PSTPIP2: variants seen among roughly 807,000 people sequenced by gnomAD.
The protein encoded by PSTPIP2 is proline-serine-threonine phosphatase-interacting protein 2.
PSTPIP2 carries 33 observed loss-of-function variants against 63.3 expected under a neutral mutation model. That is an observed-to-expected ratio of 0.52 (90% CI 0.40 to 0.70). The LOEUF is 0.70. Ranked by LOEUF, PSTPIP2 falls within the 30% of genes least tolerant of loss-of-function variation. The pLI is 0.00. For missense variants in PSTPIP2, 312 were observed against 400.7 expected (o/e 0.78, Z 1.89); for synonymous variants, 125 against 132.7 (o/e 0.94, Z 0.40).
At chr18:45,986,207 T>C (rs1279617011) in intron 14 of PSTPIP2, among the ~76,000 whole-genome samples, 3 of 152,256 alleles carry the variant, frequency 2.0e-5, no homozygotes, top group Non-Finnish European at 4.4e-5. Flanking sequence ...TGTTGTATAC[T>C]GAATATGAAT....
intron 5 of PSTPIP2, among the ~76,000 whole-genome samples, chr18:46,009,036 T>C (rs1287635834): frequency 6.6e-6 from 1 of 152,098 alleles, no homozygotes; most frequent in Non-Finnish European, 1.5e-5. Flanking sequence ...CCCCATCATG[T>C]AAGGCACATC....
rs145785770 is a variant in PSTPIP2 at position 46,029,011 on chromosome 18, G to C, written c.135-4325C>G. On this transcript the variant is annotated intron_variant, in intron 2 of 14. Transcript: ENST00000409746. ...TCCTTGTGCACAGATTGTGATGGTCGCTGGATTAGATAACCTATATCACTA... is the reference window on the plus strand; with the variant it reads ...TCCTTGTGCACAGATTGTGATGGTCCCTGGATTAGATAACCTATATCACTA... 3.1e-3 allele frequency: 2,589 copies of C among 838,028 alleles called. 79 individuals carry two copies. The Admixed American group carries it at 0.043, about 14-fold the overall frequency. 51.9% of individuals were successfully genotyped at this position (838,028 alleles called of 1,614,324 possible).
chr18:46,065,577 C>T (rs1291790203), intron 1 of PSTPIP2, among the ~76,000 whole-genome samples: 1 of 152,162 alleles, frequency 6.6e-6, no homozygotes, highest in Non-Finnish European at 1.5e-5. Context: ...AGTGATTCTC[C>T]TGCCTCAGCC....
chr18:46,003,651 C>A (rs57860400), intron 6 of PSTPIP2, among the ~76,000 whole-genome samples: 43 of 151,634 alleles, frequency 2.8e-4, no homozygotes, highest in African/African-American at 9.9e-4. Flanking sequence ...GGCACTCAGT[C>A]TGTGATAAAT....
chr18:46,024,528 TG>T, intron 3 of PSTPIP2, 80 bp downstream of exon 3: 1 of 1,246,854 alleles, frequency 8.0e-7, no homozygotes, highest in Non-Finnish European at 1.2e-6. Flanking sequence ...TTCAACCTCC[TG>T]GTAACTCTGT....
At chr18:45,988,526 C>T (rs911746216) in intron 14 of PSTPIP2, among the ~76,000 whole-genome samples, 176 bp downstream of exon 14, 2 of 151,840 alleles carry the variant, frequency 1.3e-5, no homozygotes, top group African/African-American at 4.9e-5. Flanking sequence ...CTCCAGTCTG[C>T]TTCCAGCTGT....
Position 46,072,199 on chromosome 18 carries a change from G to A in PSTPIP2, c.-11C>T. 6.5e-7 allele frequency: 1 copy of A among 1,535,248 alleles called. No individual in the cohort carries two copies. The highest frequency in any genetic ancestry group is 8.8e-7 in the Non-Finnish European group (1 of 1,140,964). On this transcript the variant is annotated 5_prime_UTR_variant, in exon 1 of 15. Transcript: ENST00000409746. ...CAGTGAGCGCGTCATCGCAGCGCGA[G>A]TGGGGGCGCGGAGGAGAGCCGGGCC...
Position 46,022,820 on chromosome 18 carries a change from G to A in PSTPIP2, c.212+1789C>T, listed in dbSNP as rs1412055284. The stretch of plus-strand genomic sequence containing the variant: ...ATTATGGTACAGAAATCTCACATGG[G>A]TTGTGACAATTATGAAATGATGCAA... On this transcript the variant is annotated intron_variant, in intron 3 of 14. Transcript: ENST00000409746. Among the ~76,000 whole-genome samples, 4 of 152,168 alleles carry A rather than the reference G, an allele frequency of 2.6e-5. No individual in the cohort carries two copies. In the East Asian group the frequency reaches 7.7e-4, roughly 29 times the overall value.
chr18:46,041,616 C>T (rs1186922449), intron 1 of PSTPIP2, among the ~76,000 whole-genome samples: 3 of 152,094 alleles, frequency 2.0e-5, no homozygotes, highest in African/African-American at 7.2e-5. Context: ...GCTAAGTCCC[C>T]CAAACCAGTA....
chr18:46,003,017 G>A (rs2051684312), intron 6 of PSTPIP2, among the ~76,000 whole-genome samples: 1 of 152,160 alleles, frequency 6.6e-6, no homozygotes, highest in Non-Finnish European at 1.5e-5. Context: ...TAAGGCTTCT[G>A]TTTTAGCTAG....
At chr18:46,023,602 T>C (rs1907457893) in intron 3 of PSTPIP2, among the ~76,000 whole-genome samples, 1 of 152,060 alleles carries the variant, frequency 6.6e-6, no homozygotes, top group South Asian at 2.1e-4. Flanking sequence ...TCTCCTATAG[T>C]TATCACAAAC....
intron 10 of PSTPIP2, among the ~76,000 whole-genome samples, chr18:45,992,726 TA>T (rs2051550618): frequency 6.6e-6 from 1 of 150,770 alleles, no homozygotes; most frequent in Non-Finnish European, 1.5e-5. Flanking sequence ...TTTATTTTAT[TA>T]TTTTTTTTTA....
chr18:46,047,463 G>A (rs1193120725), intron 1 of PSTPIP2, among the ~76,000 whole-genome samples: 2 of 152,132 alleles, frequency 1.3e-5, no homozygotes, highest in Admixed American at 6.6e-5. Flanking sequence ...GTACTCAGGA[G>A]TGCTGTAGCC....
At position 46,015,927 on chromosome 18, in the gene PSTPIP2, G is replaced by C; in HGVS notation, c.223C>G (p.Arg75Gly). 6.2e-7 allele frequency: 1 copy of C among 1,611,836 alleles called. No individual in the cohort carries two copies. The highest frequency in any genetic ancestry group is 1.7e-5 in the Admixed American group (1 of 59,816). Residue 75 changes from arginine to glycine, a missense_variant, in exon 4 of 15, where the codon CGG becomes GGG. Transcript: ENST00000409746. ...CGQSEINTLK[R>G]ALEVFKQQVD... is the part of the protein sequence containing the mutation. ...CGCTGCTTGAAGACTTCAAGGGCCC[G>C]CTTCAGGGTGCTAAAAAAAACAAGC...
chr18:45,987,449 T>TC (rs1299736520), intron 14 of PSTPIP2, among the ~76,000 whole-genome samples: 1 of 147,366 alleles, frequency 6.8e-6, no homozygotes, highest in Non-Finnish European at 1.5e-5. Context: ...GATACTGTTA[T>TC]CCAGGGCATA....
chr18:45,986,627 G>T (rs1239561982), intron 14 of PSTPIP2, among the ~76,000 whole-genome samples: 1 of 152,210 alleles, frequency 6.6e-6, no homozygotes, highest in Non-Finnish European at 1.5e-5. Flanking sequence ...ATGAGAAAGA[G>T]GGAGGCTTAT....
intron 5 of PSTPIP2, among the ~76,000 whole-genome samples, chr18:46,010,111 C>T (rs2051779511): frequency 6.6e-6 from 1 of 152,168 alleles, no homozygotes. Flanking sequence ...AGCAGGAAGG[C>T]TCTTAGGATG....
At chr18:46,061,329 T>C (rs1035862840) in intron 1 of PSTPIP2, among the ~76,000 whole-genome samples, 3 of 151,074 alleles carry the variant, frequency 2.0e-5, no homozygotes, top group Non-Finnish European at 2.9e-5. Flanking sequence ...AAAAATCATA[T>C]ATGAAGTTCA....
intron 10 of PSTPIP2, among the ~76,000 whole-genome samples, chr18:45,992,740 C>T (rs1302096092): frequency 3.3e-5 from 5 of 149,298 alleles, no homozygotes; most frequent in Non-Finnish European, 7.4e-5. Flanking sequence ...TTTTTTTAGA[C>T]AGAGTCTCGC....
Sources: gnomAD v4.1 joint callset for allele counts (sites outside exome capture counted in the v4.1 genomes callset) on GRCh38, gnomAD v4.1.1 for gene constraint, MANE v1.5 for transcripts, NCBI Gene and HGNC (gene_info 2026-07-23, HGNC 2026-07-21) for gene names.